LYPLAL1: variants seen among roughly 807,000 people sequenced by gnomAD.
LYPLAL1 encodes the protein lysophospholipase-like protein 1.
In LYPLAL1, 23 loss-of-function variants were observed where a neutral mutation model predicts 19.7. The observed-to-expected ratio is 1.17, with a 90% confidence interval of 0.84 to 1.65. The LOEUF is 1.65. Among genes scored for constraint, LYPLAL1 ranks in the 40% most tolerant of loss-of-function variants. The probability of loss-of-function intolerance (pLI) is 0.00; values close to 1 mark genes in which losing one functional copy is unlikely to be tolerated. For synonymous variants in LYPLAL1, 119 were observed against 96.3 expected (o/e 1.24, Z -1.38); for missense variants, 355 against 279.4 (o/e 1.27, Z -1.93).
chr1:219,313,290 T>G, the LYPLAL1 span, among the ~76,000 whole-genome samples: 1 of 152,164 alleles, frequency 6.6e-6, no homozygotes, highest in African/African-American at 2.4e-5. Context: ...AGTGTACCAT[T>G]TAGGATTATA....
chr1:219,273,628 C>A, the LYPLAL1 span, among the ~76,000 whole-genome samples: 1 of 152,178 alleles, frequency 6.6e-6, no homozygotes, highest in Non-Finnish European at 1.5e-5. Flanking sequence ...TGATATGCTG[C>A]TGAACTTCTG....
chr1:219,441,727 A>G, the LYPLAL1 span, among the ~76,000 whole-genome samples: 1 of 152,176 alleles, frequency 6.6e-6, no homozygotes, highest in Non-Finnish European at 1.5e-5. Context: ...TAGCAGAGCG[A>G]GAGACAGAGA....
the LYPLAL1 span, among the ~76,000 whole-genome samples, chr1:219,298,742 G>A: frequency 3.9e-5 from 6 of 152,342 alleles, no homozygotes; most frequent in East Asian, 7.7e-4. Flanking sequence ...TTGCACAGAG[G>A]CAGTGAAGAC....
downstream of LYPLAL1, among the ~76,000 whole-genome samples, chr1:219,214,871 A>G (rs1398897525): frequency 6.6e-6 from 1 of 151,526 alleles, no homozygotes; most frequent in Non-Finnish European, 1.5e-5. Flanking sequence ...TGTATTCTTA[A>G]TAGAGATGGG....
the LYPLAL1 span, among the ~76,000 whole-genome samples, chr1:219,361,949 C>A: frequency 6.6e-5 from 10 of 152,206 alleles, no homozygotes; most frequent in African/African-American, 2.4e-4. Flanking sequence ...TTGGAAAGAT[C>A]AGCATGCTTG....
intron 1 of LYPLAL1, among the ~76,000 whole-genome samples, chr1:219,175,482 C>T (rs1655738689): frequency 6.6e-6 from 1 of 152,134 alleles, no homozygotes; most frequent in South Asian, 2.1e-4. Context: ...TTAGGAAGAA[C>T]TCCTAGACTA....
chr1:219,362,809 T>C, the LYPLAL1 span, among the ~76,000 whole-genome samples: 4 of 152,034 alleles, frequency 2.6e-5, no homozygotes, highest in African/African-American at 9.7e-5. Flanking sequence ...ACACCAAAGT[T>C]TTATTTTAGG....
the LYPLAL1 span, among the ~76,000 whole-genome samples, chr1:219,407,568 A>T: frequency 3.9e-5 from 6 of 152,336 alleles, no homozygotes; most frequent in South Asian, 2.1e-4. Context: ...TGCTCTGAGG[A>T]TGTGAGAGGT....
At chr1:219,296,961 T>C in the LYPLAL1 span, among the ~76,000 whole-genome samples, 1 of 152,196 alleles carries the variant, frequency 6.6e-6, no homozygotes, top group African/African-American at 2.4e-5. Flanking sequence ...AATGGATCAA[T>C]GTGAACAGGC....
At chr1:219,239,959 G>A in the LYPLAL1 span, among the ~76,000 whole-genome samples, 1 of 152,146 alleles carries the variant, frequency 6.6e-6, no homozygotes. Context: ...GTGAAGAAAA[G>A]GTCACAGTAT....
chr1:219,384,417 C>A, the LYPLAL1 span, among the ~76,000 whole-genome samples: 4 of 152,152 alleles, frequency 2.6e-5, no homozygotes, highest in Non-Finnish European at 5.9e-5. Flanking sequence ...TGAATGATAC[C>A]TCTGTTGGCA....
chr1:219,367,336 A>G, the LYPLAL1 span, among the ~76,000 whole-genome samples: 1 of 152,226 alleles, frequency 6.6e-6, no homozygotes, highest in East Asian at 1.9e-4. Context: ...GCCAAAAATT[A>G]GTTTGATGAA....
the LYPLAL1 span, among the ~76,000 whole-genome samples, chr1:219,344,484 G>A: frequency 0.068 from 10,282 of 152,100 alleles, 493 homozygotes; most frequent in South Asian, 0.12. Context: ...ACTATTTTAC[G>A]TGTATTTTAT....
chr1:219,406,576 G>A, the LYPLAL1 span, among the ~76,000 whole-genome samples: 27 of 152,162 alleles, frequency 1.8e-4, no homozygotes, highest in East Asian at 4.4e-3. Flanking sequence ...GAGCTGAAAC[G>A]AACATTCTGA....
the LYPLAL1 span, among the ~76,000 whole-genome samples, chr1:219,277,336 A>G: frequency 6.6e-6 from 1 of 152,156 alleles, no homozygotes; most frequent in Non-Finnish European, 1.5e-5. Context: ...ATTGATTATG[A>G]TCAGCAATTT....
the LYPLAL1 span, among the ~76,000 whole-genome samples, chr1:219,341,815 T>A: frequency 6.6e-6 from 1 of 152,108 alleles, no homozygotes; most frequent in South Asian, 2.1e-4. Flanking sequence ...TAAAACTAAA[T>A]TAAGTGGATT....
the LYPLAL1 span, among the ~76,000 whole-genome samples, chr1:219,399,928 T>C: frequency 6.6e-6 from 1 of 152,162 alleles, no homozygotes; most frequent in South Asian, 2.1e-4. Context: ...CGCTGGTCTC[T>C]ACATCAGCTG....
chr1:219,337,734 G>A, the LYPLAL1 span, among the ~76,000 whole-genome samples: 29 of 152,078 alleles, frequency 1.9e-4, no homozygotes, highest in Admixed American at 1.6e-3. Context: ...AAGTTTCATC[G>A]GAACACAGCC....
At chr1:219,262,597 T>G in the LYPLAL1 span, among the ~76,000 whole-genome samples, 1 of 152,130 alleles carries the variant, frequency 6.6e-6, no homozygotes, top group African/African-American at 2.4e-5. Flanking sequence ...CTGCGATTAT[T>G]ATTGCTTTTC....
Sources: gnomAD v4.1 joint callset for allele counts (sites outside exome capture counted in the v4.1 genomes callset) on GRCh38, gnomAD v4.1.1 for gene constraint, MANE v1.5 for transcripts, NCBI Gene and HGNC (gene_info 2026-07-23, HGNC 2026-07-21) for gene names.